Variants in CCDC66 observed in about 807,000 individuals in gnomAD.
CCDC66 encodes the protein coiled-coil domain containing 66.
CCDC66 carries 133 observed loss-of-function variants against 128.3 expected under a neutral mutation model. The observed-to-expected ratio is 1.04, with a 90% CI of 0.90 to 1.20. The LOEUF is 1.20. CCDC66 is among the 50% of genes most tolerant of loss of function. The pLI is 0.00. For synonymous variants in CCDC66, 387 were observed against 357.0 expected (o/e 1.08, Z -0.95); for missense variants, 1,126 against 1,075.5 (o/e 1.05, Z -0.66).
In CCDC66 at chr3:56,564,384, C is replaced by G. The variant is rs529688378; in HGVS notation, c.544+259C>G. On this transcript the variant is annotated intron_variant, in intron 4 of 17. Transcript: ENST00000394672. ...TTAGAAAAAATGTTAGTACAAAAAA[C>G]TATTATTATACTTATTTTAGAATAT... Among the ~76,000 whole-genome samples, 7 of 152,070 alleles carry G rather than the reference C, an allele frequency of 4.6e-5. No individual in the cohort carries two copies. In the South Asian group the frequency reaches 1.4e-3, roughly 31 times the overall value.
At chr3:56,565,675 T>A (rs2065735095) in intron 4 of CCDC66, among the ~76,000 whole-genome samples, 1 of 151,552 alleles carries the variant, frequency 6.6e-6, no homozygotes, top group Admixed American at 6.6e-5. Flanking sequence ...GGAGTCTCGC[T>A]GCGTCGCCCA....
chr3:56,600,064 C>T (rs2072872740), intron 10 of CCDC66, among the ~76,000 whole-genome samples: 1 of 151,308 alleles, frequency 6.6e-6, no homozygotes, highest in Non-Finnish European at 1.5e-5. Flanking sequence ...GCCACATTTT[C>T]TTTATCGAGT....
chr3:56,594,891 A>T (rs993228516), intron 10 of CCDC66, among the ~76,000 whole-genome samples: 1 of 152,196 alleles, frequency 6.6e-6, no homozygotes, highest in Non-Finnish European at 1.5e-5. Context: ...AACAGGCACT[A>T]TGCTAAGCAC....
chr3:56,620,076 C>A, intron 17 of CCDC66, 175 bp downstream of exon 17: 2 of 540,556 alleles, frequency 3.7e-6, no homozygotes, highest in Non-Finnish European at 3.1e-6. Context: ...CTAAGACTTG[C>A]TTTTACACTG....
chr3:56,595,662 A>G (rs1299786210), intron 10 of CCDC66, among the ~76,000 whole-genome samples: 1 of 152,214 alleles, frequency 6.6e-6, no homozygotes, highest in African/African-American at 2.4e-5. Context: ...GGACACTCAG[A>G]TTGTAAATAG....
chr3:56,572,424 T>C (rs1016363104), intron 7 of CCDC66: 16 of 1,283,210 alleles, frequency 1.2e-5, no homozygotes, highest in Middle Eastern at 2.1e-4. Context: ...AGTCAGACTT[T>C]AGAGGTAAGT....
chr3:56,587,676 GC>G (rs2070050071), intron 7 of CCDC66, among the ~76,000 whole-genome samples: 1 of 152,180 alleles, frequency 6.6e-6, no homozygotes, highest in Non-Finnish European at 1.5e-5. Context: ...TTCGAGACCA[GC>G]CTGGCTAATA....
chr3:56,615,701 G>A (rs1297575909), intron 12 of CCDC66, among the ~76,000 whole-genome samples: 2 of 151,962 alleles, frequency 1.3e-5, no homozygotes, highest in Non-Finnish European at 2.9e-5. Context: ...TAAAATAATA[G>A]GTAAAATGTG....
chr3:56,590,067 G>A (rs2070589888), intron 7 of CCDC66, among the ~76,000 whole-genome samples: 1 of 152,042 alleles, frequency 6.6e-6, no homozygotes, highest in African/African-American at 2.4e-5. Context: ...CCAGTGTCCC[G>A]ACATCCCTAC....
intron 10 of CCDC66, among the ~76,000 whole-genome samples, chr3:56,602,563 C>T (rs1016539922): frequency 3.3e-5 from 5 of 151,986 alleles, no homozygotes; most frequent in African/African-American, 9.7e-5. Flanking sequence ...ACCAGCTCCT[C>T]TTTGTACCTC....
At chr3:56,616,966 A>G (rs934510445) in intron 13 of CCDC66, 146 bp from the exon 14 acceptor site, 2 of 552,800 alleles carry the variant, frequency 3.6e-6, no homozygotes, top group East Asian at 3.2e-5. Context: ...GTTGTTCTTT[A>G]ATGAGTATAG....
intron 6 of CCDC66, among the ~76,000 whole-genome samples, chr3:56,568,913 A>G (rs1260944932): frequency 1.3e-5 from 2 of 152,258 alleles, no homozygotes; most frequent in African/African-American, 2.4e-5. Context: ...ACAATCTGCA[A>G]AACATGTGAC....
chr3:56,577,836 TTGAAG>T (rs1467640755), intron 7 of CCDC66, among the ~76,000 whole-genome samples: 1 of 151,898 alleles, frequency 6.6e-6, no homozygotes, highest in African/African-American at 2.4e-5. Context: ...GTAGTGTAGT[TTGAAG>T]TGAGACAGCA....
At chr3:56,572,553 G>A (rs2066780914) in intron 7 of CCDC66, 1 of 120,472 alleles carries the variant, frequency 8.3e-6, no homozygotes, top group African/African-American at 7.2e-5. Flanking sequence ...TTTTACTTGA[G>A]TGTATTATGC....
At chr3:56,608,276 G>A (rs1456242734) in intron 10 of CCDC66, among the ~76,000 whole-genome samples, 1 of 152,032 alleles carries the variant, frequency 6.6e-6, no homozygotes, top group African/African-American at 2.4e-5. Context: ...TTTTTTGTTG[G>A]TAATTTTTAA....
Position 56,613,667 on chromosome 3 carries a change from G to A in CCDC66, c.1483G>A (p.Glu495Lys), listed in dbSNP as rs2075139909. 6.2e-7 allele frequency: 1 copy of A among 1,614,080 alleles called. No individual in the cohort carries two copies. Among genetic ancestry groups the A allele is most frequent in the Middle Eastern group, 1.6e-4 (1 of 6,062 alleles). The change falls in exon 11 of 18, where the codon GAA becomes AAA. Residue 495 changes from glutamate (E) to lysine (K), a missense_variant. By Grantham distance (56) the Glu-to-Lys change is moderately conservative. Coordinates refer to ENST00000394672, the MANE Select transcript of CCDC66 (RefSeq NM_001141947.3). ...EEEQRKKEEQ[E>K]EELRLAQERE... The stretch of plus-strand genomic sequence containing the variant: ...AGAGCAAAGAAAGAAGGAAGAACAA[G>A]AAGAGGAGCTTCGCTTAGCACAGGA...
At chr3:56,612,163 G>C (rs1034546317) in intron 10 of CCDC66, among the ~76,000 whole-genome samples, 7 of 152,148 alleles carry the variant, frequency 4.6e-5, no homozygotes, top group African/African-American at 1.7e-4. Flanking sequence ...CTGGTATAAC[G>C]ATCACTTCTT....
At chr3:56,561,082 T>C (rs941692402) in intron 3 of CCDC66, 39 of 422,072 alleles carry the variant, frequency 9.2e-5, no homozygotes, top group African/African-American at 3.3e-4. Flanking sequence ...CATATAGTTA[T>C]ATACCATGTA....
Position 56,563,994 on chromosome 3 carries a change from AAC to A in CCDC66, c.417_418del (p.Ile140HisfsTer3). ...GTAGGTAAACAGAAGCCTCACAAAA[AAC>A]ACATCACAGCTGAAAACATGAAGAG... On this transcript the variant is annotated frameshift_variant, in exon 4 of 18. Transcript: ENST00000394672. LOFTEE classifies it high-confidence loss of function. The A allele has an allele frequency of 1.2e-6, 2 of 1,614,046 alleles. No homozygotes were observed. Among genetic ancestry groups the A allele is most frequent in the Non-Finnish European group, 1.7e-6 (2 of 1,179,974 alleles).
Sources: gnomAD v4.1 joint callset for allele counts (sites outside exome capture counted in the v4.1 genomes callset) on GRCh38, gnomAD v4.1.1 for gene constraint, MANE v1.5 for transcripts, NCBI Gene and HGNC (gene_info 2026-07-23, HGNC 2026-07-21) for gene names.